Variants in TMPRSS12 observed in about 807,000 individuals in gnomAD.
The protein encoded by TMPRSS12 is transmembrane serine protease 12, also known as transmembrane protease serine 12.
A neutral mutation model predicts 26.0 loss-of-function variants in TMPRSS12; 25 were observed. The observed-to-expected ratio is 0.96, with a 90% CI of 0.70 to 1.34. The LOEUF is 1.34. TMPRSS12 is among the 40% of genes most tolerant of loss of function. TMPRSS12 has a pLI of 0.00. For synonymous variants in TMPRSS12, 150 were observed against 161.7 expected (o/e 0.93, Z 0.55); for missense variants, 441 against 440.1 (o/e 1.00, Z -0.02).
intron 3 of TMPRSS12, among the ~76,000 whole-genome samples, chr12:50,884,384 T>G (rs1204520213): frequency 6.6e-6 from 1 of 152,138 alleles, no homozygotes; most frequent in African/African-American, 2.4e-5. Context: ...TTAACAGAGT[T>G]TAGTAATACA....
intron 3 of TMPRSS12, among the ~76,000 whole-genome samples, chr12:50,863,014 G>A (rs1392079811): frequency 2.6e-5 from 4 of 151,916 alleles, no homozygotes; most frequent in African/African-American, 4.8e-5. Context: ...GCAACATAGG[G>A]AGACCTCGTC....
At chr12:50,882,040 T>TATATATATATA (rs1008545004) in intron 3 of TMPRSS12, among the ~76,000 whole-genome samples, 1 of 124,306 alleles carries the variant, frequency 8.0e-6, no homozygotes, top group African/African-American at 3.1e-5. Context: ...TATATATATA[T>TATATATATATA]ATGTTTATTT....
chr12:50,878,909 G>A (rs528997203), intron 3 of TMPRSS12, among the ~76,000 whole-genome samples: 32 of 152,260 alleles, frequency 2.1e-4, no homozygotes, highest in African/African-American at 6.3e-4. Context: ...TCTCATCAGC[G>A]AGATTAGTGC....
At chr12:50,855,575 T>G (rs1937868872) in intron 2 of TMPRSS12, among the ~76,000 whole-genome samples, 1 of 152,206 alleles carries the variant, frequency 6.6e-6, no homozygotes, top group African/African-American at 2.4e-5. Context: ...AGCAAGGCTA[T>G]GGAGAAAGCA....
intron 3 of TMPRSS12, among the ~76,000 whole-genome samples, chr12:50,861,701 A>G (rs1372152265): frequency 3.3e-5 from 5 of 152,242 alleles, no homozygotes; most frequent in African/African-American, 1.2e-4. Context: ...TAAAGCTTAA[A>G]GAGGTTAAAT....
intron 3 of TMPRSS12, among the ~76,000 whole-genome samples, chr12:50,884,620 C>T (rs1162469793): frequency 6.6e-6 from 1 of 152,080 alleles, no homozygotes; most frequent in Non-Finnish European, 1.5e-5. Flanking sequence ...ACCTGTAATC[C>T]TAGCACTTTG....
intron 2 of TMPRSS12, among the ~76,000 whole-genome samples, chr12:50,846,598 A>G (rs1277519423): frequency 6.6e-6 from 1 of 151,812 alleles, no homozygotes; most frequent in Non-Finnish European, 1.5e-5. Flanking sequence ...TTTGTTTTTT[A>G]GACAGAGCCT....
chr12:50,874,096 C>T (rs970369195), intron 3 of TMPRSS12, among the ~76,000 whole-genome samples: 1 of 136,410 alleles, frequency 7.3e-6, no homozygotes, highest in Non-Finnish European at 1.6e-5. Flanking sequence ...TTAAAGTCTT[C>T]CCATTTAAAA....
intron 3 of TMPRSS12, among the ~76,000 whole-genome samples, chr12:50,876,369 G>A (rs1018117899): frequency 2.0e-5 from 3 of 152,142 alleles, no homozygotes; most frequent in African/African-American, 4.8e-5. Context: ...CAGAATCACC[G>A]CTGCACCCAG....
At position 50,887,623 on chromosome 12, in the gene TMPRSS12, T is replaced by G. The variant is rs1938241421; in HGVS notation, c.*110T>G. Reference sequence around the variant, plus strand: ...CAATTAATTGCCTACATTAGAGATTTCATGTGAACATTTTATGGGCTATAA... The same window carrying G: ...CAATTAATTGCCTACATTAGAGATTGCATGTGAACATTTTATGGGCTATAA... On this transcript the variant is annotated 3_prime_UTR_variant, in exon 5 of 5. Transcript: ENST00000398458. 2.2e-6 allele frequency: 3 copies of G among 1,375,386 alleles called. No homozygotes were observed. The Admixed American group carries it at 7.2e-5, about 33-fold the overall frequency. The allele number at this position is 1,375,386 out of a possible 1,614,324, so 85.2% of individuals were successfully genotyped here.
chr12:50,863,504 CA>C (rs1937958536), intron 3 of TMPRSS12, among the ~76,000 whole-genome samples: 1 of 151,910 alleles, frequency 6.6e-6, no homozygotes, highest in Admixed American at 6.6e-5. Context: ...TTTTAAAAGC[CA>C]AAAACTAAAA....
chr12:50,878,398 A>G (rs1565937177), intron 3 of TMPRSS12, among the ~76,000 whole-genome samples: 1 of 150,740 alleles, frequency 6.6e-6, no homozygotes, highest in Non-Finnish European at 1.5e-5. Context: ...CCTGCGCAAT[A>G]CGGTGAGCCC....
chr12:50,848,029 A>G (rs542257599), intron 2 of TMPRSS12: 1 of 151,954 alleles, frequency 6.6e-6, no homozygotes, highest in Non-Finnish European at 1.5e-5. Flanking sequence ...ATTAGTGTCT[A>G]GTTTTTTACA....
intron 3 of TMPRSS12, among the ~76,000 whole-genome samples, chr12:50,880,746 C>T (rs988726963): frequency 7.2e-5 from 11 of 151,944 alleles, no homozygotes; most frequent in Admixed American, 5.3e-4. Flanking sequence ...TCAAAGTCCA[C>T]CAACTAGTGA....
intron 3 of TMPRSS12, among the ~76,000 whole-genome samples, chr12:50,868,088 C>T (rs926562149): frequency 3.9e-5 from 6 of 152,008 alleles, no homozygotes; most frequent in South Asian, 2.1e-4. Flanking sequence ...AACAAAAAAT[C>T]GAAAACCAAG....
At chr12:50,844,650 C>T (rs1457357308) in intron 2 of TMPRSS12, among the ~76,000 whole-genome samples, 1 of 152,144 alleles carries the variant, frequency 6.6e-6, no homozygotes, top group Non-Finnish European at 1.5e-5. Context: ...TCTGGGATTA[C>T]AGGTGTAAGC....
chr12:50,867,925 A>G (rs1381921162), intron 3 of TMPRSS12, among the ~76,000 whole-genome samples: 4 of 152,184 alleles, frequency 2.6e-5, no homozygotes, highest in Non-Finnish European at 4.4e-5. Context: ...AACAAATGCT[A>G]AGACAATTTG....
chr12:50,874,782 G>C (rs1041778005), intron 3 of TMPRSS12, among the ~76,000 whole-genome samples: 2 of 152,008 alleles, frequency 1.3e-5, no homozygotes, highest in Non-Finnish European at 2.9e-5. Context: ...TTCAAGTTGA[G>C]AGCCAAATCA....
rs56816598 is a variant in TMPRSS12 at position 50,875,489 on chromosome 12, C to CAAAAAAAAAA, written c.653-9748_653-9739dup. On this transcript the variant is annotated intron_variant, in intron 3 of 4. Transcript: ENST00000398458. The stretch of plus-strand genomic sequence containing the variant: ...TGGGCGACAGAGCAAGACTCCATCT[C>CAAAAAAAAAA]AAAAAAAAAAAAAAAAAAGACTACA... 4.9e-3 allele frequency among the ~76,000 whole-genome samples: 338 copies of CAAAAAAAAAA among 69,394 alleles called. 12 individuals carry two copies. The highest frequency in any genetic ancestry group is 0.021 in the Middle Eastern group (2 of 94). 45.5% of individuals were successfully genotyped at this position (69,394 alleles called of 152,430 possible).
Sources: gnomAD v4.1 joint callset for allele counts (sites outside exome capture counted in the v4.1 genomes callset) on GRCh38, gnomAD v4.1.1 for gene constraint, MANE v1.5 for transcripts, NCBI Gene and HGNC (gene_info 2026-07-23, HGNC 2026-07-21) for gene names.